The following RYR3 variants were observed in gnomAD, a reference collection of about 807,000 sequenced individuals.
RYR3 encodes the protein brain ryanodine receptor-calcium release channel.
In RYR3, 207 loss-of-function variants were observed where a neutral mutation model predicts 584.3. The ratio of observed to expected loss-of-function variants is 0.35; its 90% confidence interval spans 0.32 to 0.40. The LOEUF (loss-of-function observed/expected upper bound fraction) is 0.40. Ranked by LOEUF, RYR3 falls within the 10% of genes least tolerant of loss-of-function variation. The pLI is 1.00. For missense variants in RYR3, 5,616 were observed against 6,089.2 expected (o/e 0.92, Z 2.59); for synonymous variants, 2,416 against 2,248.5 (o/e 1.07, Z -2.11).
At chr15:33,404,869 T>G (rs2042920186) in intron 1 of RYR3, among the ~76,000 whole-genome samples, 1 of 152,172 alleles carries the variant, frequency 6.6e-6, no homozygotes, top group Non-Finnish European at 1.5e-5. Flanking sequence ...AGATGTCAAG[T>G]ATTTTAGGGG....
chr15:33,669,254 A>G lies in RYR3; in HGVS notation c.5620-100A>G, dbSNP rs1383937741. 9.9e-6 allele frequency: 8 copies of G among 809,068 alleles called. No individual in the cohort carries two copies. The South Asian group carries it at 1.9e-4, about 19-fold the overall frequency. The allele number at this position is 809,068 out of a possible 1,614,324, so 50.1% of individuals were successfully genotyped here. A position where few individuals can be genotyped will look rare whatever the true frequency, so the allele number is the denominator to read the frequency against. On this transcript the variant is annotated intron_variant, in intron 36 of 103. Transcript: ENST00000634891. ...AAAAAAAAAAAAATCACTAAGTAAA[A>G]TAAATTTGAAAAGAATGTAAGTGTC...
Position 33,530,629 on chromosome 15 carries a change from G to T in RYR3, c.317G>T (p.Gly106Val). The change falls in exon 4 of 104, where the codon GGC becomes GTC. Residue 106 changes from glycine (G) to valine (V), a missense_variant. By Grantham distance (109) the Gly-to-Val change is moderately radical (BLOSUM62 -3). Around this residue, in one of 9 missense-constraint regions of RYR3, gnomAD observed 1,284 missense variants for 1,344.6 expected, o/e 0.95. Coordinates refer to ENST00000634891, the MANE Select transcript of RYR3 (RefSeq NM_001036.6). ...GGTGGCCACAGGACCCTGTTATACG[G>T]CCATGCAGTTCTCCTGAGGCACTCT... Reference protein sequence around the residue: ...QGGGHRTLLYGHAVLLRHSFS... With the variant: ...QGGGHRTLLYVHAVLLRHSFS... The T allele has an allele frequency of 6.2e-7, 1 of 1,613,648 alleles. No individual in the cohort carries two copies. Among genetic ancestry groups the T allele is most frequent in the Non-Finnish European group, 8.5e-7 (1 of 1,179,712 alleles).
intron 1 of RYR3, among the ~76,000 whole-genome samples, chr15:33,351,329 A>G (rs1397260172): frequency 2.0e-5 from 3 of 152,216 alleles, no homozygotes; most frequent in Non-Finnish European, 2.9e-5. Flanking sequence ...TCTACCAGAG[A>G]TACAAGGAGG....
chr15:33,630,413 G>A (rs1472440112), intron 22 of RYR3, among the ~76,000 whole-genome samples: 3 of 152,206 alleles, frequency 2.0e-5, no homozygotes, highest in South Asian at 2.1e-4. Context: ...AATAATTTTC[G>A]CTTCTCCGTG....
Position 33,796,414 on chromosome 15 carries a change from G to A in RYR3, c.9831-4356G>A, listed in dbSNP as rs2075626115. Among the ~76,000 whole-genome samples the A allele has an allele frequency of 2.6e-5, 4 of 152,074 alleles. No homozygotes were observed. In the South Asian group the frequency reaches 8.3e-4, roughly 32 times the overall value. ...CTCCCAAAGTGCTGGGATTACAGGC[G>A]TGAGCCACCGCGACCAGCCCCATTT... On this transcript the variant is annotated intron_variant, in intron 67 of 103. Coordinates refer to ENST00000634891, the MANE Select transcript of RYR3 (RefSeq NM_001036.6).
chr15:33,719,500 A>G (rs372266106), intron 43 of RYR3, among the ~76,000 whole-genome samples: 3 of 152,376 alleles, frequency 2.0e-5, no homozygotes, highest in East Asian at 1.9e-4. Context: ...ATAGTATTCA[A>G]ATAAGCTTGA....
chr15:33,818,579 A>C lies in RYR3; in HGVS notation c.10601A>C (p.Lys3534Thr). The change falls in exon 76 of 104, where the codon AAA (lysine) becomes ACA (threonine). Residue 3534 changes from lysine to threonine, a missense_variant and splice_region_variant. Physicochemically the swap from Lys to Thr is moderately conservative, Grantham distance 78. Coordinates refer to ENST00000634891, the MANE Select transcript of RYR3 (RefSeq NM_001036.6). The part of the protein sequence containing the change: ...FEEKLVQDLA[K>T]SPKVEEEEEE... Reference sequence around the variant, plus strand: ...ACCTATCTGTGTTGGTTTGTGTAGAAATCTCCAAAGGTGGAAGAGGAGGAG... The same window carrying C: ...ACCTATCTGTGTTGGTTTGTGTAGACATCTCCAAAGGTGGAAGAGGAGGAG... 1.2e-6 allele frequency: 2 copies of C among 1,611,712 alleles called. No homozygotes were observed. Among genetic ancestry groups the C allele is most frequent in the Non-Finnish European group, 1.7e-6 (2 of 1,177,916 alleles).
At chr15:33,750,648 A>G (rs1298205940) in intron 57 of RYR3, among the ~76,000 whole-genome samples, 1 of 152,188 alleles carries the variant, frequency 6.6e-6, no homozygotes, top group Non-Finnish European at 1.5e-5. Context: ...TACAACCTCA[A>G]AGCTTTGGAA....
Position 33,857,780 on chromosome 15 carries a change from T to G in RYR3, c.14008T>G (p.Leu4670Val). ...LSSVTHNGKQLVLTVGLLAVV... is the reference protein window; with the variant it reads ...LSSVTHNGKQVVLTVGLLAVV... The stretch of plus-strand genomic sequence containing the variant: ...CCTTTCTCTGTCCTCTCATTCCCAG[T>G]TGGTTCTGACTGTCGGTCTCCTGGC... Residue 4670 changes from leucine to valine, a missense_variant and splice_region_variant, in exon 99 of 104, where the codon TTG becomes GTG. Physicochemically the swap from Leu to Val is conservative, Grantham distance 32. Around this residue, in one of 9 missense-constraint regions of RYR3, gnomAD observed 918 missense variants for 887.4 expected, o/e 1.03. Transcript: ENST00000634891. The G allele has an allele frequency of 1.2e-6, 2 of 1,613,988 alleles. No individual in the cohort carries two copies. Among genetic ancestry groups the G allele is most frequent in the Non-Finnish European group, 1.7e-6 (2 of 1,179,890 alleles).
intron 102 of RYR3, 98 bp from the exon 103 acceptor site, chr15:33,864,040 G>C: frequency 2.4e-6 from 2 of 822,150 alleles, no homozygotes; most frequent in East Asian, 2.6e-5. Context: ...AGATAGCGTG[G>C]GACCAACTAG....
At chr15:33,700,575 G>A (rs1244293807) in intron 41 of RYR3, among the ~76,000 whole-genome samples, 1 of 152,088 alleles carries the variant, frequency 6.6e-6, no homozygotes, top group African/African-American at 2.4e-5. Context: ...TGGTGACCTG[G>A]TGAAACTATA....
At chr15:33,669,493 C>G (rs749355549) in intron 37 of RYR3, 37 bp downstream of exon 37, 1 of 1,561,882 alleles carries the variant, frequency 6.4e-7, no homozygotes, top group Non-Finnish European at 8.8e-7. Context: ...CCTTTTTTTA[C>G]AAGAAGAGTC....
intron 85 of RYR3, among the ~76,000 whole-genome samples, chr15:33,829,609 C>T (rs568362398): frequency 1.3e-5 from 2 of 151,982 alleles, no homozygotes; most frequent in South Asian, 2.1e-4. Context: ...AAAAATTAGC[C>T]GGGCATGGTG....
At chr15:33,771,894 T>C in intron 62 of RYR3, 26 bp from the exon 63 acceptor site, 1 of 1,549,504 alleles carries the variant, frequency 6.5e-7, no homozygotes, top group Non-Finnish European at 8.8e-7. Flanking sequence ...ATTATGCTTC[T>C]AGATTTGAAC....
At chr15:33,434,943 G>GAGT (rs1170635837) in intron 1 of RYR3, among the ~76,000 whole-genome samples, 3 of 151,912 alleles carry the variant, frequency 2.0e-5, no homozygotes, top group Non-Finnish European at 4.4e-5. Flanking sequence ...TCAGCCTCCC[G>GAGT]AGTAGCTGGG....
At chr15:33,858,034 G>C in intron 99 of RYR3, 120 bp downstream of exon 99, 1 of 1,276,638 alleles carries the variant, frequency 7.8e-7, no homozygotes. Flanking sequence ...TAGTTACAGA[G>C]CACAGCAGAG....
chr15:33,614,383 G>T (rs2060346517), intron 19 of RYR3, among the ~76,000 whole-genome samples: 2 of 152,094 alleles, frequency 1.3e-5, no homozygotes, highest in African/African-American at 4.8e-5. Context: ...TCAGATAAAG[G>T]ATTTGGGCTT....
intron 24 of RYR3, among the ~76,000 whole-genome samples, chr15:33,634,053 TG>T (rs1392363732): frequency 6.6e-6 from 1 of 152,140 alleles, no homozygotes; most frequent in Non-Finnish European, 1.5e-5. Flanking sequence ...TTTTTTGTTT[TG>T]TTTTGTTTTT....
Position 33,838,571 on chromosome 15 carries a change from G to A in RYR3, c.12591G>A (p.Gln4197=), listed in dbSNP as rs368358733. 6.2e-7 allele frequency: 1 copy of A among 1,613,928 alleles called. No individual in the cohort carries two copies. Among genetic ancestry groups the A allele is most frequent in the Non-Finnish European group, 8.5e-7 (1 of 1,179,874 alleles). ...FFWMLFVGLF[Q]LLFTILGGIF... ...GGATGCTGTTCGTGGGGCTATTCCA[G>A]TTGCTCTTCACCATCCTGGGAGGAA... is the stretch of plus-strand genomic sequence containing the variant. Residue 4197 remains glutamine (Q), a synonymous_variant, in exon 89 of 104, where the codon CAG becomes CAA. Transcript: ENST00000634891.
Sources: allele counts gnomAD v4.1 joint callset (sites outside exome capture counted in the v4.1 genomes callset), GRCh38; gene constraint gnomAD v4.1.1; regional missense constraint gnomAD v4.1.1; transcripts MANE v1.5; gene names NCBI Gene and HGNC (gene_info 2026-07-23, HGNC 2026-07-21).